The following GOLPH3L variants were observed in gnomAD, a reference collection of about 807,000 sequenced individuals.
GOLPH3L encodes the protein golgi phosphoprotein 3 like.
A neutral mutation model predicts 30.3 loss-of-function variants in GOLPH3L; 22 were observed. The ratio of observed to expected loss-of-function variants is 0.73; its 90% CI spans 0.52 to 1.04. The LOEUF is 1.04. Ranked by LOEUF, GOLPH3L falls within the 50% of genes least tolerant of loss-of-function variation. The pLI is 0.00. For missense variants in GOLPH3L, 303 were observed against 345.8 expected (o/e 0.88, Z 0.98); for synonymous variants, 120 against 128.2 (o/e 0.94, Z 0.43).
chr1:150,653,456 T>C lies in GOLPH3L; in HGVS notation c.431-4708A>G, dbSNP rs1443416841. 3.1e-3 allele frequency among the ~76,000 whole-genome samples: 4 copies of C among 1,272 alleles called. No individual in the cohort carries two copies. The South Asian group carries it at 0.5, about 159-fold the overall frequency. 0.8% of individuals were successfully genotyped at this position (1,272 alleles called of 152,430 possible). A position where few individuals can be genotyped will look rare whatever the true frequency, so the allele number is the denominator to read the frequency against. Reference sequence around the variant, plus strand: ...TACTGGAGAAAGACTTGAAAGCAACTTTTTTTTTTTTTTTTTTTTTTTGGA... The same window carrying C: ...TACTGGAGAAAGACTTGAAAGCAACCTTTTTTTTTTTTTTTTTTTTTTGGA... On this transcript the variant is annotated intron_variant, in intron 4 of 4. Transcript: ENST00000271732.
chr1:150,694,431 C>T (rs1651297667), intron 2 of GOLPH3L: 1 of 421,806 alleles, frequency 2.4e-6, no homozygotes, highest in Admixed American at 4.1e-5. Context: ...CCTGTATCTT[C>T]TAAAATTTTG....
At chr1:150,678,530 C>T (rs956701027) in intron 2 of GOLPH3L, among the ~76,000 whole-genome samples, 2 of 151,716 alleles carry the variant, frequency 1.3e-5, no homozygotes, top group African/African-American at 4.8e-5. Flanking sequence ...ATATTCTATT[C>T]TATAACTATA....
intron 4 of GOLPH3L, among the ~76,000 whole-genome samples, chr1:150,649,073 A>G (rs1324783652): frequency 6.6e-6 from 1 of 151,986 alleles, no homozygotes; most frequent in Non-Finnish European, 1.5e-5. Context: ...GATGATTTCT[A>G]CTCTATATTG....
intron 2 of GOLPH3L, 49 bp downstream of exon 2, chr1:150,694,607 C>T: frequency 1.7e-6 from 2 of 1,150,926 alleles, no homozygotes; most frequent in Non-Finnish European, 2.5e-6. Context: ...CTAAAACATT[C>T]CAATATTTAA....
intron 4 of GOLPH3L, 90 bp downstream of exon 4, chr1:150,661,724 C>A (rs1013016393): frequency 8.1e-6 from 6 of 738,668 alleles, no homozygotes; most frequent in Non-Finnish European, 1.5e-5. Context: ...TCATCCAGCA[C>A]GATGAATTTC....
At chr1:150,672,653 A>G (rs1650672988) in intron 2 of GOLPH3L, among the ~76,000 whole-genome samples, 1 of 151,828 alleles carries the variant, frequency 6.6e-6, no homozygotes, top group South Asian at 2.1e-4. Context: ...CTGGTCTCGA[A>G]CTCCTGACCT....
chr1:150,687,134 G>C (rs587678894), intron 2 of GOLPH3L, among the ~76,000 whole-genome samples: 3 of 151,638 alleles, frequency 2.0e-5, no homozygotes, highest in African/African-American at 7.3e-5. Context: ...TTTTTTTTAA[G>C]ACAAGGTCTT....
chr1:150,648,280 C>A lies in GOLPH3L; in HGVS notation c.*41G>T. 1 of 1,406,810 alleles carries A rather than the reference C, an allele frequency of 7.1e-7. No individual in the cohort carries two copies. The highest frequency in any genetic ancestry group is 9.8e-7 in the Non-Finnish European group (1 of 1,021,752). The allele number at this position is 1,406,810 out of a possible 1,614,324, so 87.1% of individuals were successfully genotyped here. On this transcript the variant is annotated 3_prime_UTR_variant, in exon 5 of 5. Coordinates refer to ENST00000271732, the MANE Select transcript of GOLPH3L (RefSeq NM_018178.6). ...ACTCAGTGATGGGGTCTCTGACAGT[C>A]ACCAGCCAGCAGGGGAAAAGGAGAA...
rs1649978150 is a variant in GOLPH3L, at chr1:150,646,287, A to G, written c.*2034T>C. The G allele has an allele frequency of 1.3e-5, 2 of 152,202 alleles. No individual in the cohort carries two copies. The highest frequency in any genetic ancestry group is 2.9e-5 in the Non-Finnish European group (2 of 68,036). The allele number at this position is 152,202 out of a possible 1,614,324, so 9.4% of individuals were successfully genotyped here. Reference sequence around the variant, plus strand: ...GTGAAGGCCATAAGCATTAAATGAGAAGGAGTTTGGCAGTGAACATTATGC... The same window carrying G: ...GTGAAGGCCATAAGCATTAAATGAGGAGGAGTTTGGCAGTGAACATTATGC... On this transcript the variant is annotated 3_prime_UTR_variant, in exon 5 of 5. Transcript: ENST00000271732.
intron 2 of GOLPH3L, among the ~76,000 whole-genome samples, chr1:150,666,410 T>C (rs1375957753): frequency 6.6e-6 from 1 of 152,154 alleles, no homozygotes; most frequent in Non-Finnish European, 1.5e-5. Context: ...AATGGCACAA[T>C]CTCGGCTCAC....
intron 2 of GOLPH3L, among the ~76,000 whole-genome samples, chr1:150,690,924 AT>A (rs1251769082): frequency 1.3e-5 from 2 of 152,206 alleles, no homozygotes; most frequent in Admixed American, 6.5e-5. Flanking sequence ...TTTAAAAAAA[AT>A]ATTTTGCATT....
intron 1 of GOLPH3L, among the ~76,000 whole-genome samples, 197 bp from the exon 2 acceptor site, chr1:150,695,047 C>T (rs1374977082): frequency 6.6e-6 from 1 of 152,172 alleles, no homozygotes; most frequent in Non-Finnish European, 1.5e-5. Flanking sequence ...GCTTGGACTT[C>T]ACAGATGGCA....
chr1:150,673,340 G>T (rs1399572539), intron 2 of GOLPH3L, among the ~76,000 whole-genome samples: 1 of 152,012 alleles, frequency 6.6e-6, no homozygotes, highest in Non-Finnish European at 1.5e-5. Context: ...GAGGCGGGCG[G>T]ATCACAAGGT....
chr1:150,688,134 C>T (rs1293625427), intron 2 of GOLPH3L, among the ~76,000 whole-genome samples: 1 of 152,144 alleles, frequency 6.6e-6, no homozygotes, highest in African/African-American at 2.4e-5. Context: ...TTCCAGGATG[C>T]TGATATTGTT....
chr1:150,694,023 C>G, intron 2 of GOLPH3L: 1 of 288,946 alleles, frequency 3.5e-6, no homozygotes, highest in Admixed American at 4.9e-5. Context: ...CCACACATGG[C>G]TAATTTTTTA....
intron 2 of GOLPH3L, among the ~76,000 whole-genome samples, chr1:150,688,737 T>C (rs1298174352): frequency 6.6e-6 from 1 of 152,084 alleles, no homozygotes; most frequent in Non-Finnish European, 1.5e-5. Context: ...GGTGACAGAA[T>C]GAGATTCTAT....
intron 2 of GOLPH3L, 191 bp downstream of exon 2, chr1:150,694,465 C>T: frequency 2.0e-6 from 1 of 488,010 alleles, no homozygotes; most frequent in Non-Finnish European, 3.6e-6. Flanking sequence ...ATTAAATACA[C>T]TTCACGTAAT....
chr1:150,689,526 G>A (rs587719235), intron 2 of GOLPH3L, among the ~76,000 whole-genome samples: 3 of 152,268 alleles, frequency 2.0e-5, no homozygotes, highest in Admixed American at 2.0e-4. Context: ...CTCAGTTGAG[G>A]TCAGTGTTAT....
rs1649984715 is a variant in GOLPH3L, at chr1:150,646,694, T to G, written c.*1627A>C. The G allele has an allele frequency of 6.6e-6, 1 of 152,194 alleles. No homozygotes were observed. Among genetic ancestry groups the G allele is most frequent in the Non-Finnish European group, 1.5e-5 (1 of 68,032 alleles). The allele number at this position is 152,194 out of a possible 1,614,324, so 9.4% of individuals were successfully genotyped here. A position where few individuals can be genotyped will look rare whatever the true frequency, so the allele number is the denominator to read the frequency against. On this transcript the variant is annotated 3_prime_UTR_variant, in exon 5 of 5. Coordinates refer to ENST00000271732, the MANE Select transcript of GOLPH3L (RefSeq NM_018178.6). ...GCAGAGGAGAGAAATGAATAAATAA[T>G]TCATTTAATTATTTCTAATCAAGAG...
Sources: allele counts gnomAD v4.1 joint callset (sites outside exome capture counted in the v4.1 genomes callset), GRCh38; gene constraint gnomAD v4.1.1; transcripts MANE v1.5; gene names NCBI Gene and HGNC (gene_info 2026-07-23, HGNC 2026-07-21).